The following SLC49A4 variants were observed in gnomAD, a reference collection of about 807,000 sequenced individuals.
The protein encoded by SLC49A4 is solute carrier family 49 member 4, also known as disrupted in renal cancer protein 2.
A neutral mutation model predicts 50.6 loss-of-function variants in SLC49A4; 36 were observed. The observed-to-expected ratio is 0.71, with a 90% CI of 0.55 to 0.94. The LOEUF is 0.94. SLC49A4 is among the 40% of genes least tolerant of loss of function. SLC49A4 has a pLI of 0.00. For missense variants in SLC49A4, 503 were observed against 605.7 expected, an observed-to-expected ratio of 0.83 and a Z score of 1.78; for synonymous variants, 248 against 241.2, an observed-to-expected ratio of 1.03 and a Z score of -0.26.
chr3:122,812,618 T>C (rs566582116), intron 2 of SLC49A4, among the ~76,000 whole-genome samples: 1 of 152,216 alleles, frequency 6.6e-6, no homozygotes, highest in Non-Finnish European at 1.5e-5. Flanking sequence ...TCATTTAAAT[T>C]TGAGAACTAC....
At chr3:122,830,056 CTT>C (rs1220665408) in intron 3 of SLC49A4, among the ~76,000 whole-genome samples, 2 of 152,116 alleles carry the variant, frequency 1.3e-5, no homozygotes, top group Non-Finnish European at 2.9e-5. Flanking sequence ...AATGAACAAT[CTT>C]AACATGCAAT....
chr3:122,827,201 T>C (rs1576297974), intron 3 of SLC49A4, 136 bp downstream of exon 3: 4 of 920,450 alleles, frequency 4.3e-6, no homozygotes, highest in Non-Finnish European at 6.4e-6. Flanking sequence ...GCACTGTGCA[T>C]TCCTTGTCAT....
intron 1 of SLC49A4, among the ~76,000 whole-genome samples, chr3:122,795,841 G>A (rs1374105886): frequency 6.6e-6 from 1 of 152,240 alleles, no homozygotes; most frequent in African/African-American, 2.4e-5. Context: ...CCGTGCACGT[G>A]CGGTGTATGT....
At chr3:122,865,917 C>CT (rs1304395766) in intron 7 of SLC49A4, among the ~76,000 whole-genome samples, 9 of 152,190 alleles carry the variant, frequency 5.9e-5, no homozygotes, top group African/African-American at 2.2e-4. Context: ...TAATTATTAT[C>CT]TACTCCTTAA....
chr3:122,831,890 A>G (rs1409888864), intron 3 of SLC49A4, among the ~76,000 whole-genome samples: 2 of 152,060 alleles, frequency 1.3e-5, no homozygotes, highest in Non-Finnish European at 2.9e-5. Context: ...AATAATTAAA[A>G]TAACTCTAAA....
At chr3:122,870,413 C>T (rs1007683124) in intron 7 of SLC49A4, among the ~76,000 whole-genome samples, 2 of 151,794 alleles carry the variant, frequency 1.3e-5, no homozygotes, top group South Asian at 2.1e-4. Context: ...AACAGGGTCT[C>T]ACCATGTTAC....
chr3:122,795,649 G>A lies in SLC49A4; in HGVS notation c.343+114G>A, dbSNP rs1258226883. On this transcript the variant is annotated intron_variant, in intron 1 of 8. Transcript: ENST00000261038. Reference sequence around the variant, plus strand: ...GGCCCCGGCATAGGGGTTGTGTGAGGTGATAGAGTGTTGCTAGCATTCCAT... The same window carrying A: ...GGCCCCGGCATAGGGGTTGTGTGAGATGATAGAGTGTTGCTAGCATTCCAT... The A allele has an allele frequency of 7.6e-6, 11 of 1,443,570 alleles. No individual in the cohort carries two copies. The Admixed American group carries it at 9.6e-5, about 13-fold the overall frequency. The allele number at this position is 1,443,570 out of a possible 1,614,324, so 89.4% of individuals were successfully genotyped here.
chr3:122,830,312 G>C (rs1358758536), intron 3 of SLC49A4, among the ~76,000 whole-genome samples: 1 of 152,168 alleles, frequency 6.6e-6, no homozygotes. Flanking sequence ...AATCGACAAG[G>C]CGATCCTGAA....
At chr3:122,809,554 CA>C (rs879589425) in intron 2 of SLC49A4, among the ~76,000 whole-genome samples, 1 of 151,598 alleles carries the variant, frequency 6.6e-6, no homozygotes. Context: ...GACCCCATCT[CA>C]AAAAAAATAC....
intron 7 of SLC49A4, among the ~76,000 whole-genome samples, chr3:122,871,636 C>T (rs1937198264): frequency 6.6e-6 from 1 of 151,980 alleles, no homozygotes; most frequent in African/African-American, 2.4e-5. Flanking sequence ...ATCATTCTTT[C>T]CTTTTGGGTT....
chr3:122,814,050 C>T (rs1351437643), intron 2 of SLC49A4, among the ~76,000 whole-genome samples: 2 of 152,164 alleles, frequency 1.3e-5, no homozygotes, highest in Non-Finnish European at 2.9e-5. Flanking sequence ...GCAGGTGGAT[C>T]ACTTGAGGCC....
chr3:122,877,044 G>A (rs535350226), intron 8 of SLC49A4, among the ~76,000 whole-genome samples: 1 of 152,238 alleles, frequency 6.6e-6, no homozygotes, highest in East Asian at 1.9e-4. Flanking sequence ...AAGATGAAAA[G>A]AATTATAATA....
chr3:122,837,050 T>C (rs1401783529), intron 4 of SLC49A4, among the ~76,000 whole-genome samples: 1 of 152,078 alleles, frequency 6.6e-6, no homozygotes, highest in African/African-American at 2.4e-5. Context: ...CACTGCTCAA[T>C]GAAACAAAAG....
At chr3:122,854,289 C>G (rs565670066) in intron 5 of SLC49A4, among the ~76,000 whole-genome samples, 1 of 152,188 alleles carries the variant, frequency 6.6e-6, no homozygotes, top group Non-Finnish European at 1.5e-5. Context: ...GCAGCAAACA[C>G]CAATAGAGCA....
chr3:122,835,744 C>T (rs1936674543), intron 4 of SLC49A4, among the ~76,000 whole-genome samples: 1 of 152,082 alleles, frequency 6.6e-6, no homozygotes, highest in Non-Finnish European at 1.5e-5. Context: ...TACTAGAAGT[C>T]CTAGCCAGAA....
intron 5 of SLC49A4, among the ~76,000 whole-genome samples, chr3:122,849,818 C>T (rs1321665040): frequency 6.6e-6 from 1 of 151,966 alleles, no homozygotes; most frequent in East Asian, 1.9e-4. Context: ...GTTCAGAAGC[C>T]ATTTAGCTTT....
intron 5 of SLC49A4, among the ~76,000 whole-genome samples, chr3:122,854,215 A>G (rs1286910724): frequency 1.3e-5 from 2 of 152,232 alleles, no homozygotes; most frequent in Non-Finnish European, 2.9e-5. Context: ...GTGAAAAACT[A>G]TAGAGCGATA....
intron 7 of SLC49A4, among the ~76,000 whole-genome samples, chr3:122,861,275 G>A (rs73193842): frequency 0.081 from 12,375 of 152,178 alleles, 631 homozygotes; most frequent in Non-Finnish European, 0.12. Context: ...TTTAGGGGAG[G>A]GAGGGCATTA....
intron 8 of SLC49A4, among the ~76,000 whole-genome samples, chr3:122,875,804 A>T (rs1937259916): frequency 6.6e-6 from 1 of 152,216 alleles, no homozygotes; most frequent in East Asian, 1.9e-4. Context: ...TATACAGACT[A>T]ACCCCAAAAT....
Sources: allele counts gnomAD v4.1 joint callset (sites outside exome capture counted in the v4.1 genomes callset), GRCh38; gene constraint gnomAD v4.1.1; transcripts MANE v1.5; gene names NCBI Gene and HGNC (gene_info 2026-07-23, HGNC 2026-07-21).